Variants in MCM3 observed in about 807,000 individuals in gnomAD.
The protein encoded by MCM3 is DNA replication licensing factor MCM3.
A neutral mutation model predicts 91.3 loss-of-function variants in MCM3; 59 were observed. The ratio of observed to expected loss-of-function variants is 0.65; its 90% confidence interval spans 0.52 to 0.80. The LOEUF (loss-of-function observed/expected upper bound fraction) is 0.80, where lower values mean the gene tolerates loss of function less well. Among genes scored for constraint, MCM3 ranks in the 30% least tolerant of loss-of-function variants. MCM3 has a pLI of 0.00. For synonymous variants in MCM3, 383 were observed against 379.6 expected, an observed-to-expected ratio of 1.01 and a Z score of -0.10; for missense variants, 919 against 1,035.4, an observed-to-expected ratio of 0.89 and a Z score of 1.54.
intron 1 of MCM3, 52 bp from the exon 2 acceptor site, chr6:52,283,458 T>C (rs1381957795): frequency 1.5e-6 from 2 of 1,300,660 alleles, no homozygotes; most frequent in South Asian, 1.2e-5. Context: ...AAAACAATGT[T>C]TCTAAACAGA....
At position 52,264,506 on chromosome 6, in the gene MCM3, G is replaced by C; in HGVS notation, c.*82C>G. ...AATTCAACACTGTTAAGGGAGTAGA[G>C]GCAAAGACTTGGGTCAGGGAGAGGG... On this transcript the variant is annotated 3_prime_UTR_variant, in exon 17 of 17. Transcript: ENST00000596288. 6.8e-7 allele frequency: 1 copy of C among 1,463,604 alleles called. No individual in the cohort carries two copies. 90.7% of individuals were successfully genotyped at this position (1,463,604 alleles called of 1,614,324 possible). A position where few individuals can be genotyped will look rare whatever the true frequency, so the allele number is the denominator to read the frequency against.
In MCM3 at chr6:52,266,626, C is replaced by A; in HGVS notation, c.2143G>T (p.Glu715Ter). 6.2e-7 allele frequency: 1 copy of A among 1,614,114 alleles called. No homozygotes were observed. The highest frequency in any genetic ancestry group is 8.5e-7 in the Non-Finnish European group (1 of 1,179,980). ...GCTCACTCACCTTGAGGCATTTCCT[C>A]CTCTGTGTCACTGAAGTCATAGGGG... is the stretch of plus-strand genomic sequence containing the variant. The part of the protein sequence containing the change: ...YDPYDFSDTE[E>*]EMPQVHTPKT... The change falls in exon 15 of 17, where the codon GAG (glutamate) becomes TAG (stop). Residue 715 changes from glutamate (E) to a stop codon, truncating the protein, a stop_gained. Transcript: ENST00000596288. LOFTEE classifies it high-confidence loss of function.
In MCM3 at chr6:52,277,640, G is replaced by A. The variant is rs780086057; in HGVS notation, c.928C>T (p.His310Tyr). Residue 310 changes from histidine (H) to tyrosine (Y), a missense_variant, in exon 7 of 17, where the codon CAT (histidine) becomes TAT (tyrosine). His to Tyr is a moderately conservative substitution (Grantham distance 83). Around this residue, in one of 3 missense-constraint regions of MCM3, gnomAD observed 401 missense variants for 402.7 expected, o/e 1.00. Transcript: ENST00000596288. ...AKSLAPSIHG[H>Y]DYVKKAILCL... Reference sequence around the variant, plus strand: ...AGGATTGCTTTCTTGACATAGTCATGCCCATGGATACTTGGGGCCAATGAC... The same window carrying A: ...AGGATTGCTTTCTTGACATAGTCATACCCATGGATACTTGGGGCCAATGAC... 1.2e-6 allele frequency: 2 copies of A among 1,614,032 alleles called. No homozygotes were observed. Among genetic ancestry groups the A allele is most frequent in the Admixed American group, 3.3e-5 (2 of 60,022 alleles).
chr6:52,269,675 G>A (rs984033379), intron 12 of MCM3, among the ~76,000 whole-genome samples: 1 of 152,216 alleles, frequency 6.6e-6, no homozygotes, highest in Non-Finnish European at 1.5e-5. Flanking sequence ...CTAAAGGAGG[G>A]ATAGGAAAGA....
intron 9 of MCM3, among the ~76,000 whole-genome samples, chr6:52,275,069 A>G (rs1439488496): frequency 6.6e-6 from 1 of 152,146 alleles, no homozygotes; most frequent in East Asian, 1.9e-4. Flanking sequence ...CAGCCCTATC[A>G]TTAATTTTAA....
chr6:52,273,448 A>C, intron 10 of MCM3, 92 bp from the exon 11 acceptor site: 2 of 1,309,040 alleles, frequency 1.5e-6, no homozygotes. Flanking sequence ...GGAGACACCA[A>C]GATTCATAAA....
chr6:52,264,865 C>G lies in MCM3; in HGVS notation c.2229-79G>C, dbSNP rs1333479575. On this transcript the variant is annotated intron_variant, in intron 16 of 16. Transcript: ENST00000596288. ...AGGAAACAGCTATACTAGGAAAATC[C>G]ATAGTATTAATACAGTAGAGGCGTC... 5 of 1,249,382 alleles carry G rather than the reference C, an allele frequency of 4.0e-6. No individual in the cohort carries two copies. The African/African-American group carries it at 7.4e-5, about 18-fold the overall frequency. The allele number at this position is 1,249,382 out of a possible 1,614,324, so 77.4% of individuals were successfully genotyped here.
chr6:52,277,675 T>G lies in MCM3; in HGVS notation c.893A>C (p.Gln298Pro), dbSNP rs748228953. The change falls in exon 7 of 17, where the codon CAG becomes CCG. Residue 298 changes from glutamine to proline, a missense_variant. Transcript: ENST00000596288. The stretch of plus-strand genomic sequence containing the variant: ...ACTTGGGGCCAATGACTTGGCCAGC[T>G]GGTCAAAGATATCCTACAGGAGAAA... ...SKTRSKDIFD[Q>P]LAKSLAPSIH... is the part of the protein sequence containing the mutation. 6.2e-7 allele frequency: 1 copy of G among 1,613,914 alleles called. No homozygotes were observed. The highest frequency in any genetic ancestry group is 1.1e-5 in the South Asian group (1 of 91,054).
Position 52,284,588 on chromosome 6 carries a change from C to T in MCM3, c.78+9G>A. On this transcript the variant is annotated intron_variant, in intron 1 of 16. Coordinates refer to ENST00000596288, the MANE Select transcript of MCM3 (RefSeq NM_002388.6). Reference sequence around the variant, plus strand: ...AGCGCTAGAGCCCGCGCGCCGGCGCCTCCCTCACCTCGTCGTCCAGGAAGT... The same window carrying T: ...AGCGCTAGAGCCCGCGCGCCGGCGCTTCCCTCACCTCGTCGTCCAGGAAGT... 6.2e-7 allele frequency: 1 copy of T among 1,602,112 alleles called. No homozygotes were observed. Among genetic ancestry groups the T allele is most frequent in the East Asian group, 2.2e-5 (1 of 44,568 alleles).
At chr6:52,275,055 C>A (rs757621350) in intron 9 of MCM3, among the ~76,000 whole-genome samples, 23 of 152,114 alleles carry the variant, frequency 1.5e-4, no homozygotes, top group Non-Finnish European at 2.9e-4. Flanking sequence ...TGAGACACTG[C>A]GCCCAGCCCT....
intron 1 of MCM3, 36 bp downstream of exon 1, chr6:52,284,561 C>G (rs1197649232): frequency 2.5e-5 from 39 of 1,565,040 alleles, no homozygotes; most frequent in Non-Finnish European, 3.4e-5. Flanking sequence ...GCAGGGGCTC[C>G]GAGCGCTAGA....
chr6:52,279,278 G>C (rs1765852178), intron 5 of MCM3, 83 bp downstream of exon 5: 2 of 1,222,538 alleles, frequency 1.6e-6, no homozygotes, highest in African/African-American at 3.0e-5. Flanking sequence ...TAACTCTCTG[G>C]AATATGGCAA....
intron 15 of MCM3, among the ~76,000 whole-genome samples, chr6:52,266,359 T>C (rs1282685917): frequency 6.6e-6 from 1 of 152,190 alleles, no homozygotes; most frequent in East Asian, 1.9e-4. Flanking sequence ...AGACCCTCAA[T>C]GTATATATTA....
intron 7 of MCM3, 107 bp from the exon 8 acceptor site, chr6:52,277,305 G>T: frequency 8.1e-7 from 1 of 1,230,976 alleles, no homozygotes; most frequent in Non-Finnish European, 1.1e-6. Flanking sequence ...ACAGTAAGTG[G>T]ATTTTAATAT....
Position 52,284,601 on chromosome 6 carries a change from T to A in MCM3, c.74A>T (p.Asp25Val), listed in dbSNP as rs1766479926. The change falls in exon 1 of 17, where the codon GAC becomes GTC. Residue 25 changes from aspartate to valine, a missense_variant. Transcript: ENST00000596288. ...GCGCGCCGGCGCCTCCCTCACCTCG[T>A]CGTCCAGGAAGTCCAGGTAATCTCT... ...AQRDYLDFLD[D>V]EEDQGIYQSK... 6.2e-7 allele frequency: 1 copy of A among 1,607,210 alleles called. No homozygotes were observed.
chr6:52,278,745 G>T lies in MCM3; in HGVS notation c.876C>A (p.Ser292=), dbSNP rs1180414500. ...AATTTCTAAAGGATGCCCAGACCTT[G>T]GATCGGGTTTTACTGAACTTCTTGA... ...AKIKKFSKTR[S]KDIFDQLAKS... is the part of the protein sequence containing the mutation. Residue 292 remains serine, a synonymous_variant, in exon 6 of 17, where the codon TCC becomes TCA. Coordinates refer to ENST00000596288, the MANE Select transcript of MCM3 (RefSeq NM_002388.6). 1.2e-6 allele frequency: 2 copies of T among 1,609,192 alleles called. No homozygotes were observed. Among genetic ancestry groups the T allele is most frequent in the African/African-American group, 2.7e-5 (2 of 74,810 alleles).
At chr6:52,268,253 G>A (rs1052673708) in intron 13 of MCM3, among the ~76,000 whole-genome samples, 2 of 152,198 alleles carry the variant, frequency 1.3e-5, no homozygotes, top group Non-Finnish European at 2.9e-5. Context: ...ATGGTTAAGT[G>A]AAAACAATCC....
intron 9 of MCM3, among the ~76,000 whole-genome samples, chr6:52,275,341 G>C (rs1562386613): frequency 6.6e-6 from 1 of 152,156 alleles, no homozygotes; most frequent in South Asian, 2.1e-4. Context: ...TGTGGCTCTT[G>C]AGCAAGTTAC....
At chr6:52,266,902 A>T (rs1224405510) in intron 14 of MCM3, among the ~76,000 whole-genome samples, 2 of 152,128 alleles carry the variant, frequency 1.3e-5, no homozygotes, top group Non-Finnish European at 2.9e-5. Flanking sequence ...CTGCTTCCCA[A>T]CGCTCTTTTC....
Sources: gnomAD v4.1 joint callset for allele counts (sites outside exome capture counted in the v4.1 genomes callset) on GRCh38, gnomAD v4.1.1 for gene constraint, gnomAD v4.1.1 regional missense constraint, MANE v1.5 for transcripts, NCBI Gene and HGNC (gene_info 2026-07-23, HGNC 2026-07-21) for gene names.